The following CAMTA1 variants were observed in gnomAD, a reference collection of about 807,000 sequenced individuals.
CAMTA1 encodes calmodulin-binding transcription activator 1.
A neutral mutation model predicts 170.9 loss-of-function variants in CAMTA1; 27 were observed. That is an observed-to-expected ratio of 0.16 (90% CI 0.12 to 0.22). The LOEUF (loss-of-function observed/expected upper bound fraction) is 0.22, where lower values mean the gene tolerates loss of function less well. CAMTA1 is among the 10% of genes least tolerant of loss of function. The pLI, the probability that CAMTA1 is intolerant of heterozygous loss-of-function variation, is 1.00. For missense variants in CAMTA1, 1,619 were observed against 2,217.2 expected, an observed-to-expected ratio of 0.73 and a Z score of 5.42; for synonymous variants, 833 against 891.5, an observed-to-expected ratio of 0.93 and a Z score of 1.17.
At position 7,109,994 on chromosome 1, in the gene CAMTA1, G is replaced by A. The variant is rs1374406420; in HGVS notation, c.302+18623G>A. Among the ~76,000 whole-genome samples the A allele has an allele frequency of 4.6e-5, 7 of 152,194 alleles. 1 individual carries two copies. The highest frequency in any genetic ancestry group is 2.9e-5 in the Non-Finnish European group (2 of 68,036). ...GGCCTCAGTGGCTCTGCTGCCTATG[G>A]TGAGCCGGGAAGTGAGCATGGGTCT... On this transcript the variant is annotated intron_variant, in intron 4 of 22. Transcript: ENST00000303635.
intron 4 of CAMTA1, among the ~76,000 whole-genome samples, chr1:7,183,794 G>A (rs1652707600): frequency 6.6e-6 from 1 of 152,140 alleles, no homozygotes; most frequent in African/African-American, 2.4e-5. Flanking sequence ...GTGTAATGCT[G>A]GTGAGAGTTG....
chr1:7,017,629 A>G (rs1339145793), intron 3 of CAMTA1, among the ~76,000 whole-genome samples: 1 of 152,188 alleles, frequency 6.6e-6, no homozygotes, highest in African/African-American at 2.4e-5. Flanking sequence ...GCGTGTTATC[A>G]TGGCCCTGTC....
At chr1:6,830,807 T>G (rs1649687531) in intron 3 of CAMTA1, among the ~76,000 whole-genome samples, 1 of 151,660 alleles carries the variant, frequency 6.6e-6, no homozygotes, top group Admixed American at 6.6e-5. Flanking sequence ...GAGAGTATTT[T>G]TTTGTTTGTT....
At chr1:7,756,502 A>G (rs1035766506) in intron 22 of CAMTA1, among the ~76,000 whole-genome samples, 1 of 152,214 alleles carries the variant, frequency 6.6e-6, no homozygotes, top group Non-Finnish European at 1.5e-5. Flanking sequence ...AGAAGCAACT[A>G]TAATGTGTTT....
At chr1:7,254,486 A>G (rs928410573) in intron 5 of CAMTA1, among the ~76,000 whole-genome samples, 2 of 152,208 alleles carry the variant, frequency 1.3e-5, no homozygotes, top group Non-Finnish European at 2.9e-5. Flanking sequence ...TGAAGAGAAC[A>G]CACAGTGTTG....
intron 3 of CAMTA1, among the ~76,000 whole-genome samples, chr1:6,944,873 G>A (rs1687322492): frequency 6.6e-6 from 1 of 152,196 alleles, no homozygotes; most frequent in Non-Finnish European, 1.5e-5. Context: ...TAATGGAAAT[G>A]CTCTGAGCAT....
Position 7,301,326 on chromosome 1 carries a change from A to G in CAMTA1, c.438+51700A>G, listed in dbSNP as rs77172961. 5.4e-3 allele frequency among the ~76,000 whole-genome samples: 824 copies of G among 152,320 alleles called. 5 individuals are homozygous for G. The highest frequency in any genetic ancestry group is 0.018 in the African/African-American group (765 of 41,574). ...CTTTTTTGATTTGTAATGTGGTTTG[A>G]CTTTTTCAGGGTGATAGTTTGGAAA... On this transcript the variant is annotated intron_variant, in intron 5 of 22. Transcript: ENST00000303635.
intron 4 of CAMTA1, among the ~76,000 whole-genome samples, chr1:7,116,376 T>G (rs1644328445): frequency 6.6e-6 from 1 of 152,214 alleles, no homozygotes; most frequent in Admixed American, 6.5e-5. Flanking sequence ...TTGGTTTTCC[T>G]TAGTGTGGCC....
intron 3 of CAMTA1, among the ~76,000 whole-genome samples, chr1:7,081,418 A>G (rs1412776789): frequency 6.6e-6 from 1 of 152,248 alleles, no homozygotes; most frequent in Admixed American, 6.5e-5. Flanking sequence ...CAGAGATAAT[A>G]ATAAACTGAC....
chr1:6,858,527 A>G (rs951099846), intron 3 of CAMTA1, among the ~76,000 whole-genome samples: 1 of 150,440 alleles, frequency 6.6e-6, no homozygotes, highest in African/African-American at 2.4e-5. Context: ...CATTACAGAA[A>G]CCAGTTTAGC....
In CAMTA1 at chr1:7,737,478, G is replaced by A. The variant is rs1220631472; in HGVS notation, c.3566G>A (p.Ser1189Asn). 18 of 1,614,114 alleles carry A rather than the reference G, an allele frequency of 1.1e-5. No individual in the cohort carries two copies. The highest frequency in any genetic ancestry group is 1.5e-5 in the Non-Finnish European group (18 of 1,179,980). The change falls in exon 15 of 23, where the codon AGC (serine) becomes AAC (asparagine). Residue 1189 changes from serine to asparagine, a missense_variant. Physicochemically the swap from Ser to Asn is conservative, Grantham distance 46. Transcript: ENST00000303635. ...RIHCPASEEP[S>N]TESWMAQWHS... Reference sequence around the variant, plus strand: ...CACTGTCCTGCAAGCGAAGAGCCCAGCACAGAGAGCTGGATGGCCCAGTGG... The same window carrying A: ...CACTGTCCTGCAAGCGAAGAGCCCAACACAGAGAGCTGGATGGCCCAGTGG...
At chr1:7,712,155 CTT>C (rs2096575564) in intron 11 of CAMTA1, among the ~76,000 whole-genome samples, 2 of 152,130 alleles carry the variant, frequency 1.3e-5, no homozygotes, top group Non-Finnish European at 2.9e-5. Context: ...TATAAAATAA[CTT>C]TGGTAAATGG....
chr1:7,404,022 G>A (rs1286659423), intron 5 of CAMTA1, among the ~76,000 whole-genome samples: 1 of 152,190 alleles, frequency 6.6e-6, no homozygotes, highest in Non-Finnish European at 1.5e-5. Flanking sequence ...AACACCTTTT[G>A]TGGCTTGGTG....
At chr1:7,637,868 A>T (rs1025104820) in intron 6 of CAMTA1, among the ~76,000 whole-genome samples, 4 of 152,238 alleles carry the variant, frequency 2.6e-5, no homozygotes, top group Admixed American at 2.6e-4. Flanking sequence ...CTTTGAAAAG[A>T]ATAAAGTGCT....
chr1:6,993,193 A>C (rs1696666666), intron 3 of CAMTA1, among the ~76,000 whole-genome samples: 1 of 152,116 alleles, frequency 6.6e-6, no homozygotes, highest in South Asian at 2.1e-4. Flanking sequence ...TGACTATCTT[A>C]CCTCTTTGAC....
At position 7,173,011 on chromosome 1, in the gene CAMTA1, A is replaced by T. The variant is rs1229519683; in HGVS notation, c.303-76480A>T. Among the ~76,000 whole-genome samples, 1 of 152,176 alleles carries T rather than the reference A, an allele frequency of 6.6e-6. No homozygotes were observed. Among genetic ancestry groups the T allele is most frequent in the Non-Finnish European group, 1.5e-5 (1 of 68,016 alleles). ...CGGGGAGGATGGGCTGGCTGTGTCC[A>T]TCCATCCCGTGCTGGAGCGTGGCTG... On this transcript the variant is annotated intron_variant, in intron 4 of 22. Transcript: ENST00000303635. This position sits in a 1 kb window ranked among gnomAD's most constrained non-coding sequence, Gnocchi z 5.4.
intron 6 of CAMTA1, among the ~76,000 whole-genome samples, chr1:7,617,192 C>T (rs958160277): frequency 1.3e-5 from 2 of 152,170 alleles, no homozygotes; most frequent in Non-Finnish European, 2.9e-5. Context: ...GTGCAGTGTC[C>T]CAGAATCAAG....
chr1:7,174,121 G>A (rs775664004), intron 4 of CAMTA1, among the ~76,000 whole-genome samples: 7 of 152,112 alleles, frequency 4.6e-5, no homozygotes, highest in Non-Finnish European at 1.0e-4. Context: ...TGATCAGGGA[G>A]CAGTGCAAAG....
intron 6 of CAMTA1, among the ~76,000 whole-genome samples, chr1:7,560,255 TCTC>T (rs1557916683): frequency 6.6e-6 from 1 of 152,150 alleles, no homozygotes; most frequent in Non-Finnish European, 1.5e-5. Flanking sequence ...CCCTGCACAC[TCTC>T]CTTTCTGCAG....
Sources: gnomAD v4.1 joint callset for allele counts (sites outside exome capture counted in the v4.1 genomes callset) on GRCh38, gnomAD v4.1.1 for gene constraint, Gnocchi (gnomAD v3.1) non-coding constraint, MANE v1.5 for transcripts, NCBI Gene and HGNC (gene_info 2026-07-23, HGNC 2026-07-21) for gene names.